Variants in SRGAP3 observed in about 807,000 individuals in gnomAD.
SRGAP3 encodes SLIT-ROBO Rho GTPase-activating protein 3.
In SRGAP3, 39 loss-of-function variants were observed where a neutral mutation model predicts 121.1. That is an observed-to-expected ratio of 0.32 (90% CI 0.25 to 0.42). The LOEUF (loss-of-function observed/expected upper bound fraction) is 0.42. Among genes scored for constraint, SRGAP3 ranks in the 10% least tolerant of loss-of-function variants. The probability of loss-of-function intolerance (pLI) is 1.00; values close to 1 mark genes in which losing one functional copy is unlikely to be tolerated. For missense variants in SRGAP3, 1,213 were observed against 1,470.6 expected (o/e 0.82, Z 2.86); for synonymous variants, 601 against 570.0 (o/e 1.05, Z -0.77).
At position 9,053,019 on chromosome 3, in the gene SRGAP3, C is replaced by T; in HGVS notation, c.1323+8G>A. 5 of 1,613,360 alleles carry T rather than the reference C, an allele frequency of 3.1e-6. No homozygotes were observed. Among genetic ancestry groups the T allele is most frequent in the Non-Finnish European group, 4.2e-6 (5 of 1,180,020 alleles). On this transcript the variant is annotated splice_region_variant and intron_variant, in intron 9 of 21. Coordinates refer to ENST00000383836, the MANE Select transcript of SRGAP3 (RefSeq NM_014850.4). The stretch of plus-strand genomic sequence containing the variant: ...ACAGTGTGGTTCTGGGCCCAGGATG[C>T]CACTTACTGTAAAATAAAACATTTC...
At chr3:9,182,496 C>T (rs924620645) in intron 1 of SRGAP3, among the ~76,000 whole-genome samples, 19 of 152,030 alleles carry the variant, frequency 1.2e-4, no homozygotes, top group African/African-American at 3.6e-4. Flanking sequence ...ACAGGGAGAG[C>T]GAGGCCTTCC....
At chr3:9,074,966 G>C (rs1946892200) in intron 4 of SRGAP3, among the ~76,000 whole-genome samples, 1 of 152,244 alleles carries the variant, frequency 6.6e-6, no homozygotes, top group South Asian at 2.1e-4. Flanking sequence ...TTGGAGCAGA[G>C]CTGCTGAACA....
chr3:9,174,008 A>G (rs766368836), intron 1 of SRGAP3, among the ~76,000 whole-genome samples: 19 of 150,504 alleles, frequency 1.3e-4, no homozygotes, highest in Non-Finnish European at 2.7e-4. Context: ...GGATGGGTCA[A>G]CCAGATGCGG....
At chr3:9,301,100 C>T (rs1003104203) in intron 3 of SRGAP3, among the ~76,000 whole-genome samples, 1 of 152,136 alleles carries the variant, frequency 6.6e-6, no homozygotes, top group Admixed American at 6.5e-5. Context: ...TCATCAAGAC[C>T]CTTCCCTTGG....
intron 3 of SRGAP3, among the ~76,000 whole-genome samples, chr3:9,259,008 C>T (rs77098546): frequency 0.031 from 4,769 of 152,292 alleles, 79 homozygotes; most frequent in Non-Finnish European, 0.038. Flanking sequence ...ATTGGGCATC[C>T]GCCTCGCTCC....
At chr3:9,057,766 T>G (rs766176841) in intron 7 of SRGAP3, among the ~76,000 whole-genome samples, 1 of 152,170 alleles carries the variant, frequency 6.6e-6, no homozygotes, top group Non-Finnish European at 1.5e-5. Context: ...TCCATTTGTT[T>G]TTCGTTTGTT....
chr3:9,037,689 T>A, intron 11 of SRGAP3: 1 of 332,580 alleles, frequency 3.0e-6, no homozygotes, highest in South Asian at 3.5e-5. Flanking sequence ...TTGCTCAGCA[T>A]GGTGTAGCAG....
chr3:9,063,782 T>C (rs373404822), intron 5 of SRGAP3, among the ~76,000 whole-genome samples: 37 of 152,320 alleles, frequency 2.4e-4, no homozygotes, highest in African/African-American at 8.9e-4. Context: ...AGAGAGGTGT[T>C]GTAAACGTGG....
intron 1 of SRGAP3, among the ~76,000 whole-genome samples, chr3:9,354,193 A>G (rs936185986): frequency 3.9e-5 from 6 of 152,218 alleles, no homozygotes; most frequent in Non-Finnish European, 8.8e-5. Flanking sequence ...AAGTCCGCAG[A>G]TAATAGCAAA....
intron 10 of SRGAP3, among the ~76,000 whole-genome samples, chr3:9,040,673 C>T (rs972494969): frequency 2.0e-5 from 3 of 152,138 alleles, no homozygotes; most frequent in African/African-American, 7.2e-5. Context: ...AAGCAATCCT[C>T]CTGCCTCAGC....
rs534404924 is a variant in SRGAP3 at position 9,144,783 on chromosome 3, C to T, written c.68-19866G>A. Among the ~76,000 whole-genome samples, 7 of 152,288 alleles carry T rather than the reference C, an allele frequency of 4.6e-5. No individual in the cohort carries two copies. In the East Asian group the frequency reaches 5.8e-4, roughly 13 times the overall value. ...AGTCTCAGGTATGTCTTTTCAGCAG[C>T]GTGAAAACAGACTAATACACCTGTC... On this transcript the variant is annotated intron_variant, in intron 1 of 21. Coordinates refer to ENST00000383836, the MANE Select transcript of SRGAP3 (RefSeq NM_014850.4).
chr3:8,989,866 C>T (rs1203978958), intron 21 of SRGAP3, among the ~76,000 whole-genome samples: 1 of 152,214 alleles, frequency 6.6e-6, no homozygotes, highest in Non-Finnish European at 1.5e-5. Flanking sequence ...TTAGCTCTGC[C>T]CACCCTTTGG....
intron 15 of SRGAP3, chr3:9,014,207 T>A (rs1335867926): frequency 2.9e-6 from 1 of 346,968 alleles, no homozygotes; most frequent in Non-Finnish European, 5.6e-6. Context: ...GGACGGGGCA[T>A]ATATCTGCTG....
intron 1 of SRGAP3, among the ~76,000 whole-genome samples, chr3:9,158,149 C>T (rs1426017995): frequency 6.6e-6 from 1 of 152,230 alleles, no homozygotes; most frequent in African/African-American, 2.4e-5. Flanking sequence ...CTGCTTCCTA[C>T]TGAGGTAGGA....
At chr3:9,193,390 C>T (rs1951820834) in intron 1 of SRGAP3, 1 of 152,322 alleles carries the variant, frequency 6.6e-6, no homozygotes, top group South Asian at 2.1e-4. Context: ...GAAAAGTGTG[C>T]TTGGCTGATC....
At chr3:9,340,878 T>A (rs1174887781) in intron 1 of SRGAP3, among the ~76,000 whole-genome samples, 1 of 151,632 alleles carries the variant, frequency 6.6e-6, no homozygotes, top group Non-Finnish European at 1.5e-5. Flanking sequence ...AATGAAGGAG[T>A]CTGGCATCCT....
intron 7 of SRGAP3, 56 bp downstream of exon 7, chr3:9,058,195 C>A: frequency 6.4e-7 from 1 of 1,563,410 alleles, no homozygotes; most frequent in South Asian, 1.1e-5. Flanking sequence ...TGTACTGGAG[C>A]ACATGGGGGA....
chr3:9,003,147 A>G (rs971021483), intron 18 of SRGAP3, among the ~76,000 whole-genome samples: 1 of 152,204 alleles, frequency 6.6e-6, no homozygotes, highest in African/African-American at 2.4e-5. Flanking sequence ...ACAGACCAGT[A>G]TTTCTTATGA....
chr3:9,288,426 C>T (rs1436264752), intron 3 of SRGAP3, among the ~76,000 whole-genome samples: 6 of 150,546 alleles, frequency 4.0e-5, no homozygotes, highest in African/African-American at 1.5e-4. Flanking sequence ...CATGAGCCAC[C>T]ACATCCAGCC....
Sources: allele counts gnomAD v4.1 joint callset (sites outside exome capture counted in the v4.1 genomes callset), GRCh38; gene constraint gnomAD v4.1.1; transcripts MANE v1.5; gene names NCBI Gene and HGNC (gene_info 2026-07-23, HGNC 2026-07-21).